QTGAL: variants seen among roughly 807,000 people sequenced by gnomAD.
QTGAL encodes BGnT-like protein 1.
At chr17:82,957,879 A>C in the QTGAL span, among the ~76,000 whole-genome samples, 2 of 152,166 alleles carry the variant, frequency 1.3e-5, no homozygotes, top group African/African-American at 4.8e-5. Context: ...CAGCGTTCAC[A>C]CTTGGACACG....
the QTGAL span, among the ~76,000 whole-genome samples, chr17:82,952,113 G>C: frequency 6.6e-6 from 1 of 152,230 alleles, no homozygotes; most frequent in Non-Finnish European, 1.5e-5. Flanking sequence ...TTGCCAGAAA[G>C]CTGTGCCCAA....
the QTGAL span, among the ~76,000 whole-genome samples, chr17:83,032,481 G>A: frequency 1.7e-5 from 2 of 119,158 alleles, no homozygotes; most frequent in African/African-American, 3.3e-5. Context: ...CCAGGCCTCC[G>A]ACGCAGACCG....
At chr17:83,023,875 TG>T in the QTGAL span, among the ~76,000 whole-genome samples, 1 of 152,220 alleles carries the variant, frequency 6.6e-6, no homozygotes, top group Non-Finnish European at 1.5e-5. Flanking sequence ...TGGGACACGG[TG>T]GGACAAAATG....
chr17:82,965,207 G>A, the QTGAL span, among the ~76,000 whole-genome samples: 1 of 150,402 alleles, frequency 6.6e-6, no homozygotes, highest in Admixed American at 6.6e-5. Context: ...CCACGGGGGG[G>A]ACGGGGACAT....
At chr17:83,041,659 G>A in the QTGAL span, among the ~76,000 whole-genome samples, 1 of 152,212 alleles carries the variant, frequency 6.6e-6, no homozygotes, top group Non-Finnish European at 1.5e-5. Flanking sequence ...AACATCATAA[G>A]TCAAAAATGC....
chr17:82,964,641 G>A, the QTGAL span, among the ~76,000 whole-genome samples: 2 of 143,684 alleles, frequency 1.4e-5, no homozygotes, highest in African/African-American at 2.6e-5. Flanking sequence ...CGGGGAGGAC[G>A]GGGACACGGA....
the QTGAL span, chr17:82,957,138 C>T: frequency 1.9e-6 from 3 of 1,611,080 alleles, no homozygotes; most frequent in Admixed American, 1.7e-5. Flanking sequence ...AGCCCCGGAG[C>T]AGGTGGTTGA....
chr17:83,011,778 A>G, the QTGAL span, among the ~76,000 whole-genome samples: 1 of 152,170 alleles, frequency 6.6e-6, no homozygotes, highest in East Asian at 1.9e-4. Flanking sequence ...AAGGTTTAAA[A>G]TCATCGATGA....
chr17:83,001,078 A>G, the QTGAL span, among the ~76,000 whole-genome samples: 11 of 152,226 alleles, frequency 7.2e-5, no homozygotes, highest in African/African-American at 2.7e-4. Context: ...TACATTTGAA[A>G]TAGGGGCCAT....
At chr17:83,050,928 G>A in the QTGAL span, among the ~76,000 whole-genome samples, 1 of 152,070 alleles carries the variant, frequency 6.6e-6, no homozygotes, top group African/African-American at 2.4e-5. Flanking sequence ...AGGTGTGCAG[G>A]CACAAGACGT....
the QTGAL span, among the ~76,000 whole-genome samples, chr17:83,007,682 A>G: frequency 1.1e-4 from 16 of 152,112 alleles, no homozygotes; most frequent in African/African-American, 3.6e-4. Context: ...TCCACTGCGC[A>G]TGCCCGACCC....
At chr17:83,007,656 C>CA in the QTGAL span, among the ~76,000 whole-genome samples, 8 of 152,144 alleles carry the variant, frequency 5.3e-5, no homozygotes, top group Admixed American at 4.6e-4. Flanking sequence ...CGGACGGGGG[C>CA]TGATTGACGC....
At chr17:83,051,714 G>A in the QTGAL span, 9 of 1,476,882 alleles carry the variant, frequency 6.1e-6, no homozygotes, top group Admixed American at 2.3e-5. Context: ...GCACGGCGGG[G>A]CACCCTCCCC....
the QTGAL span, among the ~76,000 whole-genome samples, chr17:82,951,360 C>T: frequency 2.6e-4 from 40 of 152,326 alleles, no homozygotes; most frequent in African/African-American, 8.9e-4. Flanking sequence ...TGTGGGCCAA[C>T]CTCTGCTAGC....
chr17:82,956,315 A>C, the QTGAL span, among the ~76,000 whole-genome samples: 9 of 152,278 alleles, frequency 5.9e-5, no homozygotes, highest in African/African-American at 2.2e-4. This position sits in a 1 kb window ranked among gnomAD's most constrained non-coding sequence, Gnocchi z 5.7. Flanking sequence ...GACATCCCCG[A>C]TGCAGCCACC....
chr17:83,005,784 AC>A, the QTGAL span: 1 of 970,054 alleles, frequency 1.0e-6, no homozygotes, highest in African/African-American at 1.7e-5. The surrounding 1 kb of genome is among the most constrained non-coding windows in gnomAD (Gnocchi z 5.6). Context: ...AGTAGCCTTG[AC>A]CCCCTCCCGG....
chr17:83,017,129 G>A, the QTGAL span, among the ~76,000 whole-genome samples: 1,108 of 152,286 alleles, frequency 7.3e-3, 15 homozygotes, highest in African/African-American at 0.026. Context: ...CCACCCATGT[G>A]TGGGAGCTGA....
chr17:82,964,798 G>GA, the QTGAL span, among the ~76,000 whole-genome samples: 2 of 100,496 alleles, frequency 2.0e-5, no homozygotes. Flanking sequence ...CCCCCACGGG[G>GA]GGATGGGGAC....
At chr17:83,010,887 C>T in the QTGAL span, among the ~76,000 whole-genome samples, 37 of 152,180 alleles carry the variant, frequency 2.4e-4, no homozygotes, top group African/African-American at 8.7e-4. Flanking sequence ...TTTGTTCCTC[C>T]GCGTCGCTTC....
Sources: allele counts gnomAD v4.1 joint callset (sites outside exome capture counted in the v4.1 genomes callset), GRCh38; gene constraint gnomAD v4.1.1; non-coding constraint Gnocchi (gnomAD v3.1); transcripts MANE v1.5; gene names NCBI Gene and HGNC (gene_info 2026-07-23, HGNC 2026-07-21).